The following CSMD1 variants were observed in gnomAD, a reference collection of about 807,000 sequenced individuals.
CSMD1 encodes CUB and sushi domain-containing protein 1.
A neutral mutation model predicts 417.5 loss-of-function variants in CSMD1; 213 were observed. The observed-to-expected ratio is 0.51, with a 90% confidence interval of 0.46 to 0.57. The LOEUF (loss-of-function observed/expected upper bound fraction) is 0.57, where lower values mean the gene tolerates loss of function less well. CSMD1 is among the 20% of genes least tolerant of loss of function. CSMD1 has a pLI of 0.00. For synonymous variants in CSMD1, 2,862 were observed against 1,736.8 expected, an observed-to-expected ratio of 1.65 and a Z score of -16.11; for missense variants, 6,923 against 4,529.7, an observed-to-expected ratio of 1.53 and a Z score of -15.17.
intron 12 of CSMD1, among the ~76,000 whole-genome samples, chr8:3,442,206 G>C (rs561731028): frequency 6.7e-6 from 1 of 149,732 alleles, no homozygotes; most frequent in Non-Finnish European, 1.5e-5. Flanking sequence ...AAAATGAAAA[G>C]GTTTATAAAG....
chr8:3,405,344 A>T (rs1181534057), intron 15 of CSMD1, among the ~76,000 whole-genome samples: 1 of 152,200 alleles, frequency 6.6e-6, no homozygotes, highest in Non-Finnish European at 1.5e-5. Flanking sequence ...ATTAGAGGCA[A>T]CATCTTTTTC....
intron 3 of CSMD1, among the ~76,000 whole-genome samples, chr8:4,094,012 A>AGAT (rs1554445797): frequency 1.3e-5 from 2 of 151,936 alleles, no homozygotes; most frequent in African/African-American, 2.4e-5. Flanking sequence ...ATAGATAGAT[A>AGAT]AAGAAAAAAG....
intron 54 of CSMD1, among the ~76,000 whole-genome samples, chr8:2,996,426 G>A (rs1355616317): frequency 6.6e-6 from 1 of 152,212 alleles, no homozygotes; most frequent in African/African-American, 2.4e-5. Context: ...CTGTTATTAA[G>A]TAAAGAAATG....
chr8:3,198,332 C>T (rs1415520935), intron 33 of CSMD1, among the ~76,000 whole-genome samples: 4 of 152,184 alleles, frequency 2.6e-5, no homozygotes, highest in African/African-American at 7.2e-5. Flanking sequence ...TTTCTTTACA[C>T]ATCTCACATA....
chr8:3,664,977 CTATTT>C (rs1448445816), intron 7 of CSMD1, among the ~76,000 whole-genome samples: 2 of 151,886 alleles, frequency 1.3e-5, no homozygotes, highest in Non-Finnish European at 2.9e-5. Context: ...AGTGACTTTC[CTATTT>C]TATATGTATA....
chr8:3,932,647 A>C (rs1432236435), intron 5 of CSMD1, among the ~76,000 whole-genome samples: 1 of 150,534 alleles, frequency 6.6e-6, no homozygotes, highest in Non-Finnish European at 1.5e-5. Flanking sequence ...TTTGCATGTT[A>C]TTAGGGAATT....
chr8:4,435,574 C>G (rs1245758094), intron 2 of CSMD1, among the ~76,000 whole-genome samples: 1 of 152,202 alleles, frequency 6.6e-6, no homozygotes. Flanking sequence ...GTCATGCTCC[C>G]TTCCAGGAAT....
chr8:4,483,163 G>A (rs550908922), intron 2 of CSMD1, among the ~76,000 whole-genome samples: 1 of 152,214 alleles, frequency 6.6e-6, no homozygotes, highest in Non-Finnish European at 1.5e-5. Flanking sequence ...GGTTTGATAA[G>A]GGGTAATCCA....
intron 3 of CSMD1, among the ~76,000 whole-genome samples, chr8:4,253,918 T>C (rs543024719): frequency 0.013 from 1,805 of 135,594 alleles, 51 homozygotes; most frequent in African/African-American, 0.046. Flanking sequence ...TTTTTTTTTT[T>C]TTTTTTTTTT....
chr8:3,441,800 C>G (rs1814999978), intron 12 of CSMD1, among the ~76,000 whole-genome samples: 1 of 151,848 alleles, frequency 6.6e-6, no homozygotes, highest in Non-Finnish European at 1.5e-5. Context: ...ATTTACTATG[C>G]TATACTATCC....
intron 42 of CSMD1, chr8:3,113,334 A>G (rs1443399370): frequency 6.6e-6 from 1 of 152,264 alleles, no homozygotes; most frequent in African/African-American, 2.4e-5. Context: ...TGGAGTAAAG[A>G]GACGCGCAGG....
intron 26 of CSMD1, among the ~76,000 whole-genome samples, chr8:3,275,145 A>G (rs4567063): frequency 0.3 from 45,795 of 151,956 alleles, 7,021 homozygotes; most frequent in Non-Finnish European, 0.33. Context: ...ATCTCTCAGC[A>G]TTTGCTTGTC....
intron 2 of CSMD1, among the ~76,000 whole-genome samples, chr8:4,463,835 C>G (rs983144421): frequency 2.6e-5 from 4 of 152,030 alleles, no homozygotes; most frequent in Non-Finnish European, 5.9e-5. Flanking sequence ...GAATGCATAA[C>G]CCCAGGAATA....
At chr8:4,643,426 T>G (rs1803328489) in intron 1 of CSMD1, among the ~76,000 whole-genome samples, 1 of 152,232 alleles carries the variant, frequency 6.6e-6, no homozygotes, top group South Asian at 2.1e-4. Flanking sequence ...GTAGTCAATT[T>G]CTATTGTATA....
chr8:3,290,402 A>G (rs150281845), intron 25 of CSMD1, among the ~76,000 whole-genome samples: 3,788 of 146,612 alleles, frequency 0.026, 732 homozygotes, highest in African/African-American at 0.097. Context: ...CATTGAATCT[A>G]TAAGTTACCT....
chr8:4,900,274 T>A (rs1198878055), intron 1 of CSMD1, among the ~76,000 whole-genome samples: 1 of 152,186 alleles, frequency 6.6e-6, no homozygotes, highest in East Asian at 1.9e-4. Flanking sequence ...TTTCGCACTT[T>A]GAATCAGTAT....
At chr8:4,239,678 G>A (rs1192043878) in intron 3 of CSMD1, among the ~76,000 whole-genome samples, 1 of 152,192 alleles carries the variant, frequency 6.6e-6, no homozygotes, top group Admixed American at 6.5e-5. Context: ...ATTATGTTGG[G>A]TGGCAGAACA....
At chr8:4,489,440 T>G (rs891751036) in intron 2 of CSMD1, among the ~76,000 whole-genome samples, 17 of 152,222 alleles carry the variant, frequency 1.1e-4, no homozygotes, top group African/African-American at 4.1e-4. Flanking sequence ...TCTTTTTATA[T>G]GTTCAAAAAC....
chr8:3,262,529 C>A (rs556599063), intron 26 of CSMD1, among the ~76,000 whole-genome samples: 10 of 149,870 alleles, frequency 6.7e-5, no homozygotes, highest in African/African-American at 2.5e-4. Flanking sequence ...GCTATTACTT[C>A]GGGCCAAATG....
Sources: allele counts gnomAD v4.1 joint callset (sites outside exome capture counted in the v4.1 genomes callset), GRCh38; gene constraint gnomAD v4.1.1; transcripts MANE v1.5; gene names NCBI Gene and HGNC (gene_info 2026-07-23, HGNC 2026-07-21).